Variants in GPHN observed in about 807,000 individuals in gnomAD.
The protein encoded by GPHN is gephyrin.
A neutral mutation model predicts 95.5 loss-of-function variants in GPHN; 17 were observed. That is an observed-to-expected ratio of 0.18 (90% CI 0.12 to 0.27). The LOEUF is 0.27. Ranked by LOEUF, GPHN falls within the 10% of genes least tolerant of loss-of-function variation. The pLI is 1.00. For synonymous variants in GPHN, 320 were observed against 322.5 expected (o/e 0.99, Z 0.08); for missense variants, 660 against 978.1 (o/e 0.67, Z 4.34).
At chr14:67,684,792 C>A in the GPHN span, 1 of 372,140 alleles carries the variant, frequency 2.7e-6, no homozygotes, top group South Asian at 1.0e-4. Context: ...AGGAAGAAAA[C>A]AAACAGAATG....
chr14:67,230,485 T>A, the GPHN span, among the ~76,000 whole-genome samples: 2 of 151,986 alleles, frequency 1.3e-5, no homozygotes, highest in African/African-American at 4.8e-5. Context: ...GGATGGAAGA[T>A]TGCTTGAGCT....
At chr14:66,829,854 A>G (rs1038165545) in intron 4 of GPHN, among the ~76,000 whole-genome samples, 4 of 152,156 alleles carry the variant, frequency 2.6e-5, no homozygotes, top group Admixed American at 6.6e-5. Flanking sequence ...AGGGGTAAGC[A>G]ATGTAGCCCA....
At chr14:67,308,552 T>TG in the GPHN span, among the ~76,000 whole-genome samples, 25 of 147,400 alleles carry the variant, frequency 1.7e-4, no homozygotes, top group African/African-American at 6.2e-4. Context: ...TTTTCTTTTT[T>TG]TTTTTTTTTT....
At chr14:67,320,733 A>G in the GPHN span, among the ~76,000 whole-genome samples, 1 of 152,158 alleles carries the variant, frequency 6.6e-6, no homozygotes, top group East Asian at 1.9e-4. Flanking sequence ...TTATAAGATT[A>G]TATGGTACCT....
chr14:67,592,452 A>C, the GPHN span: 1 of 560,658 alleles, frequency 1.8e-6, no homozygotes, highest in Non-Finnish European at 3.2e-6. Flanking sequence ...ATAAAATAAA[A>C]TGTGCATGAA....
At chr14:67,203,694 A>G in the GPHN span, among the ~76,000 whole-genome samples, 2 of 152,116 alleles carry the variant, frequency 1.3e-5, no homozygotes, top group African/African-American at 4.8e-5. Flanking sequence ...ACGCTTTCTC[A>G]TGGTAAATAA....
At chr14:67,315,333 G>A in the GPHN span, among the ~76,000 whole-genome samples, 4 of 134,762 alleles carry the variant, frequency 3.0e-5, no homozygotes, top group Non-Finnish European at 6.1e-5. Flanking sequence ...CTGGAGTGCA[G>A]TGGCATGATC....
At chr14:67,308,154 A>C in the GPHN span, among the ~76,000 whole-genome samples, 28,818 of 151,568 alleles carry the variant, frequency 0.19, 4,391 homozygotes, top group East Asian at 0.48. Context: ...TGGGTGATGA[A>C]ATAATCTGTA....
chr14:66,806,239 T>C (rs2060536475), intron 3 of GPHN, among the ~76,000 whole-genome samples: 1 of 152,120 alleles, frequency 6.6e-6, no homozygotes, highest in Non-Finnish European at 1.5e-5. Flanking sequence ...GGGCACCAAG[T>C]CCCTAGACTG....
chr14:67,169,361 G>A (rs944135329), intron 21 of GPHN, among the ~76,000 whole-genome samples: 1 of 152,134 alleles, frequency 6.6e-6, no homozygotes, highest in Non-Finnish European at 1.5e-5. Flanking sequence ...GACCTGTCTG[G>A]AACAAGGGAG....
At chr14:67,407,206 C>G in the GPHN span, among the ~76,000 whole-genome samples, 1 of 152,096 alleles carries the variant, frequency 6.6e-6, no homozygotes, top group Non-Finnish European at 1.5e-5. Context: ...ACTGCAACCT[C>G]CACCTCTTGG....
intron 3 of GPHN, among the ~76,000 whole-genome samples, chr14:66,782,313 T>C (rs1486506506): frequency 6.6e-6 from 1 of 152,234 alleles, no homozygotes. Flanking sequence ...TTGATTATAG[T>C]GCTTTTTTAG....
At chr14:66,866,725 C>T (rs1013154480) in intron 4 of GPHN, among the ~76,000 whole-genome samples, 2 of 152,124 alleles carry the variant, frequency 1.3e-5, no homozygotes, top group Non-Finnish European at 2.9e-5. Context: ...GTAAGCCAAA[C>T]AACCAGTTTT....
At chr14:67,573,862 G>A in the GPHN span, 61 of 1,613,422 alleles carry the variant, frequency 3.8e-5, no homozygotes, top group East Asian at 9.4e-4. This position sits in a 1 kb window ranked among gnomAD's most constrained non-coding sequence, Gnocchi z 4.8. Flanking sequence ...CAAATTGTTC[G>A]AGGGGAGGGT....
At chr14:67,573,697 A>G in the GPHN span, 4 of 803,766 alleles carry the variant, frequency 5.0e-6, no homozygotes, top group East Asian at 4.9e-5. The surrounding 1 kb of genome is among the most constrained non-coding windows in gnomAD (Gnocchi z 4.8). Flanking sequence ...GCTGGGAATC[A>G]TGTTTCCCTT....
intron 4 of GPHN, among the ~76,000 whole-genome samples, chr14:66,828,786 A>G (rs1041656529): frequency 2.0e-5 from 3 of 150,022 alleles, no homozygotes; most frequent in African/African-American, 7.6e-5. Context: ...CTCCAGGTCT[A>G]TTAAAAATGA....
the GPHN span, among the ~76,000 whole-genome samples, chr14:67,451,053 C>T: frequency 1.2e-3 from 177 of 152,332 alleles, no homozygotes; most frequent in African/African-American, 4.1e-3. Flanking sequence ...CAACATAGAG[C>T]TCAGGCTGTG....
the GPHN span, among the ~76,000 whole-genome samples, chr14:67,427,678 G>T: frequency 6.6e-6 from 1 of 152,192 alleles, no homozygotes; most frequent in Non-Finnish European, 1.5e-5. Flanking sequence ...TTACGCTAAG[G>T]AGCTAATAAT....
chr14:66,802,363 G>C (rs2060387425), intron 3 of GPHN, among the ~76,000 whole-genome samples: 2 of 152,156 alleles, frequency 1.3e-5, no homozygotes, highest in Non-Finnish European at 2.9e-5. Flanking sequence ...CTTCAGGGGA[G>C]TGGTATACCC....
Sources: gnomAD v4.1 joint callset for allele counts (sites outside exome capture counted in the v4.1 genomes callset) on GRCh38, gnomAD v4.1.1 for gene constraint, Gnocchi (gnomAD v3.1) non-coding constraint, MANE v1.5 for transcripts, NCBI Gene and HGNC (gene_info 2026-07-23, HGNC 2026-07-21) for gene names.